KHDRBS2: variants seen among roughly 807,000 people sequenced by gnomAD.
KHDRBS2 encodes KH domain-containing, RNA-binding, signal transduction-associated protein 2.
Under a neutral mutation model 44.3 loss-of-function variants are expected in KHDRBS2, and 26 were observed. The ratio of observed to expected loss-of-function variants is 0.59; its 90% confidence interval spans 0.43 to 0.81. KHDRBS2 has a LOEUF of 0.81. KHDRBS2 is among the 40% of genes least tolerant of loss of function. The probability of loss-of-function intolerance (pLI) is 0.00; values close to 1 mark genes in which losing one functional copy is unlikely to be tolerated. For missense variants in KHDRBS2, 476 were observed against 433.1 expected (o/e 1.10, Z -0.88); for synonymous variants, 194 against 151.1 (o/e 1.28, Z -2.08).
intron 1 of KHDRBS2, among the ~76,000 whole-genome samples, chr6:62,249,638 T>C (rs145965052): frequency 1.4e-4 from 22 of 152,198 alleles, no homozygotes; most frequent in Admixed American, 9.8e-4. Flanking sequence ...TTACCTCCTA[T>C]AGTTTGTGGA....
intron 6 of KHDRBS2, among the ~76,000 whole-genome samples, chr6:61,786,857 T>C (rs138591024): frequency 3.2e-4 from 48 of 151,970 alleles, no homozygotes; most frequent in African/African-American, 1.1e-3. Flanking sequence ...TGCTTTGTCA[T>C]AGAATTGTTT....
In KHDRBS2 at chr6:62,067,275, C is replaced by A. The variant is rs1417332680; in HGVS notation, c.220-19281G>T. Among the ~76,000 whole-genome samples, 6 of 151,646 alleles carry A rather than the reference C, an allele frequency of 4.0e-5. No individual in the cohort carries two copies. In the East Asian group the frequency reaches 1.2e-3, roughly 30 times the overall value. ...CCCATTAAGTTTTTCTTAATACCCA[C>A]TTAGCGGTATTAGAAACTAGTAAAG... On this transcript the variant is annotated intron_variant, in intron 2 of 8. Coordinates refer to ENST00000281156, the MANE Select transcript of KHDRBS2 (RefSeq NM_152688.4).
chr6:62,254,315 C>A (rs1289047791), intron 1 of KHDRBS2, among the ~76,000 whole-genome samples: 1 of 152,008 alleles, frequency 6.6e-6, no homozygotes, highest in African/African-American at 2.4e-5. Context: ...ATATTTGAAT[C>A]ACTGATATAT....
chr6:62,018,628 A>G (rs1459822254), intron 3 of KHDRBS2, among the ~76,000 whole-genome samples: 1 of 152,010 alleles, frequency 6.6e-6, no homozygotes. Context: ...TACAGGCGTG[A>G]GCCACCGCGC....
intron 7 of KHDRBS2, among the ~76,000 whole-genome samples, chr6:61,719,477 G>C (rs1334561592): frequency 1.3e-5 from 2 of 151,824 alleles, no homozygotes; most frequent in East Asian, 3.9e-4. Flanking sequence ...AAAAAAAAAG[G>C]TTATCAGAAC....
At chr6:61,572,107 T>C in the KHDRBS2 span, among the ~76,000 whole-genome samples, 1 of 151,938 alleles carries the variant, frequency 6.6e-6, no homozygotes. Context: ...AAGATCCAAA[T>C]AAGCTCAGTT....
At chr6:62,020,671 C>T (rs923302727) in intron 3 of KHDRBS2, among the ~76,000 whole-genome samples, 1 of 151,924 alleles carries the variant, frequency 6.6e-6, no homozygotes, top group Admixed American at 6.6e-5. Flanking sequence ...TCAACTGACC[C>T]CTTAACATTT....
chr6:62,087,791 C>T (rs1798686813), intron 2 of KHDRBS2, among the ~76,000 whole-genome samples: 1 of 152,112 alleles, frequency 6.6e-6, no homozygotes, highest in Non-Finnish European at 1.5e-5. Flanking sequence ...GAGTGTTTTC[C>T]AACTTGGTTC....
At chr6:62,189,676 T>G (rs1174444682) in intron 1 of KHDRBS2, among the ~76,000 whole-genome samples, 1 of 152,064 alleles carries the variant, frequency 6.6e-6, no homozygotes. Flanking sequence ...GAGGTAAAGG[T>G]CTACAAATTG....
At chr6:61,577,127 G>GT in the KHDRBS2 span, among the ~76,000 whole-genome samples, 32 of 86,786 alleles carry the variant, frequency 3.7e-4, no homozygotes, top group Admixed American at 7.9e-4. Context: ...CTAACACTCA[G>GT]TTTTTGTTTT....
intron 1 of KHDRBS2, among the ~76,000 whole-genome samples, chr6:62,266,714 T>G (rs573483520): frequency 2.0e-4 from 30 of 152,094 alleles, no homozygotes; most frequent in African/African-American, 7.2e-4. Context: ...CCAAAATGAA[T>G]GAAGGGCAAA....
intron 4 of KHDRBS2, among the ~76,000 whole-genome samples, chr6:61,975,365 T>C (rs1378802237): frequency 6.6e-6 from 1 of 152,164 alleles, no homozygotes; most frequent in Non-Finnish European, 1.5e-5. Context: ...TCTACAATGT[T>C]TGCAAATGTT....
chr6:61,595,527 C>T, the KHDRBS2 span, among the ~76,000 whole-genome samples: 1 of 152,040 alleles, frequency 6.6e-6, no homozygotes, highest in African/African-American at 2.4e-5. Flanking sequence ...TCAACAAAAG[C>T]ATATCTTGCT....
chr6:62,073,523 CTTTT>C (rs1034284454), intron 2 of KHDRBS2, among the ~76,000 whole-genome samples: 2 of 114,348 alleles, frequency 1.7e-5, no homozygotes, highest in African/African-American at 7.0e-5. Context: ...TGATTTTTTT[CTTTT>C]TTCTTTTTTT....
the KHDRBS2 span, among the ~76,000 whole-genome samples, chr6:61,637,100 G>A: frequency 1.3e-4 from 20 of 151,768 alleles, no homozygotes; most frequent in East Asian, 5.8e-4. Context: ...TGTTACATAC[G>A]TATACATGTG....
At chr6:61,830,396 C>T (rs1791604874) in intron 6 of KHDRBS2, among the ~76,000 whole-genome samples, 1 of 152,110 alleles carries the variant, frequency 6.6e-6, no homozygotes, top group South Asian at 2.1e-4. Context: ...CTAAATGTGT[C>T]CTTATACAAC....
At chr6:61,780,878 T>C (rs1419401283) in intron 6 of KHDRBS2, among the ~76,000 whole-genome samples, 4 of 152,214 alleles carry the variant, frequency 2.6e-5, no homozygotes, top group African/African-American at 9.6e-5. Context: ...CAGGCCTATC[T>C]GAAACCAGTT....
intron 6 of KHDRBS2, among the ~76,000 whole-genome samples, chr6:61,743,771 TC>T (rs528609380): frequency 0.011 from 1,422 of 125,120 alleles, 25 homozygotes; most frequent in African/African-American, 0.041. Flanking sequence ...CTTAATGCTA[TC>T]CCCCCCCTCC....
intron 6 of KHDRBS2, among the ~76,000 whole-genome samples, chr6:61,886,446 A>G (rs1488375077): frequency 1.3e-5 from 2 of 150,906 alleles, no homozygotes; most frequent in African/African-American, 4.9e-5. Flanking sequence ...CGTTTTTCTT[A>G]CCCTCTTAGA....
Sources: allele counts gnomAD v4.1 joint callset (sites outside exome capture counted in the v4.1 genomes callset), GRCh38; gene constraint gnomAD v4.1.1; transcripts MANE v1.5; gene names NCBI Gene and HGNC (gene_info 2026-07-23, HGNC 2026-07-21).